The following ITGAV variants were observed in gnomAD, a reference collection of about 807,000 sequenced individuals.
ITGAV encodes the protein integrin subunit alpha V.
In ITGAV, 76 loss-of-function variants were observed where a neutral mutation model predicts 143.8. That is an observed-to-expected ratio of 0.53 (90% confidence interval 0.44 to 0.64). The LOEUF (loss-of-function observed/expected upper bound fraction) is 0.64, where lower values mean the gene tolerates loss of function less well. Ranked by LOEUF, ITGAV falls within the 30% of genes least tolerant of loss-of-function variation. The pLI, the probability that ITGAV is intolerant of heterozygous loss-of-function variation, is 0.00. For synonymous variants in ITGAV, 453 were observed against 446.7 expected (o/e 1.01, Z -0.18); for missense variants, 1,193 against 1,274.7 (o/e 0.94, Z 0.98).
intron 17 of ITGAV, among the ~76,000 whole-genome samples, chr2:186,658,739 C>T (rs1480978271): frequency 1.3e-5 from 2 of 151,750 alleles, no homozygotes; most frequent in Admixed American, 6.6e-5. Flanking sequence ...TAAGCAGTAT[C>T]AATAATGTTC....
At chr2:186,619,203 G>A (rs1574470828) in intron 2 of ITGAV, among the ~76,000 whole-genome samples, 1 of 151,588 alleles carries the variant, frequency 6.6e-6, no homozygotes, top group Admixed American at 6.6e-5. Flanking sequence ...TGTGGTGTGT[G>A]TACGTGTCTG....
intron 14 of ITGAV, among the ~76,000 whole-genome samples, chr2:186,651,528 A>G (rs979708346): frequency 2.6e-5 from 4 of 152,188 alleles, no homozygotes; most frequent in Non-Finnish European, 5.9e-5. Context: ...TTAAAAAATC[A>G]TATTATGTAT....
chr2:186,624,648 A>G (rs1279733015), intron 3 of ITGAV, among the ~76,000 whole-genome samples: 1 of 152,184 alleles, frequency 6.6e-6, no homozygotes, highest in African/African-American at 2.4e-5. Flanking sequence ...TTTTTCACTA[A>G]ATGAATTGTT....
At chr2:186,627,695 A>G (rs1366081724) in intron 4 of ITGAV, among the ~76,000 whole-genome samples, 1 of 152,182 alleles carries the variant, frequency 6.6e-6, no homozygotes, top group East Asian at 1.9e-4. Flanking sequence ...GTTATCTATA[A>G]TCATCTAGTA....
intron 14 of ITGAV, among the ~76,000 whole-genome samples, chr2:186,651,064 A>G (rs1347085232): frequency 1.3e-5 from 2 of 152,082 alleles, no homozygotes; most frequent in African/African-American, 2.4e-5. Flanking sequence ...CTATTTCCCA[A>G]TTTCTTATAT....
intron 5 of ITGAV, 31 bp from the exon 6 acceptor site, chr2:186,633,298 A>ATATATCTTT: frequency 1.4e-6 from 2 of 1,448,658 alleles, no homozygotes; most frequent in Non-Finnish European, 1.9e-6. Context: ...TTCTTTAAAT[A>ATATATCTTT]TATATCTTTT....
At chr2:186,659,482 A>G (rs989250576) in intron 18 of ITGAV, among the ~76,000 whole-genome samples, 3 of 152,052 alleles carry the variant, frequency 2.0e-5, no homozygotes. Context: ...ATAGTATTTT[A>G]GTATTTTGCT....
intron 11 of ITGAV, 194 bp from the exon 12 acceptor site, chr2:186,641,192 A>T: frequency 1.6e-6 from 1 of 614,560 alleles, no homozygotes; most frequent in Non-Finnish European, 2.8e-6. Flanking sequence ...AAGTAATTTT[A>T]TGAATTATTC....
At chr2:186,636,030 C>A in intron 6 of ITGAV, 52 bp from the exon 7 acceptor site, 1 of 1,500,618 alleles carries the variant, frequency 6.7e-7, no homozygotes, top group South Asian at 1.2e-5. Flanking sequence ...TTATCTGTAT[C>A]ATAAAGTTTC....
At chr2:186,602,895 A>T (rs940015218) in intron 2 of ITGAV, among the ~76,000 whole-genome samples, 2 of 132,672 alleles carry the variant, frequency 1.5e-5, no homozygotes, top group East Asian at 4.6e-4. Flanking sequence ...AAAAAAAAAA[A>T]GCAGTGGAGG....
intron 2 of ITGAV, among the ~76,000 whole-genome samples, chr2:186,605,592 A>G (rs1268589643): frequency 6.6e-6 from 1 of 151,716 alleles, no homozygotes; most frequent in Non-Finnish European, 1.5e-5. Flanking sequence ...ACCGTTTTTT[A>G]TCTTTGTTCA....
At chr2:186,677,055 T>C in intron 29 of ITGAV, 120 bp downstream of exon 29, 1 of 1,226,536 alleles carries the variant, frequency 8.2e-7, no homozygotes, top group Non-Finnish European at 1.2e-6. Context: ...TGATACTTGA[T>C]GAGCATTACT....
chr2:186,590,840 C>G, intron 1 of ITGAV, among the ~76,000 whole-genome samples: 1 of 152,324 alleles, frequency 6.6e-6, no homozygotes, highest in Non-Finnish European at 1.5e-5. Flanking sequence ...GCCGGACTCC[C>G]CGCCTCCTGT....
At chr2:186,649,109 G>A (rs1182137514) in intron 13 of ITGAV, among the ~76,000 whole-genome samples, 1 of 150,114 alleles carries the variant, frequency 6.7e-6, no homozygotes, top group Admixed American at 6.6e-5. Flanking sequence ...TACTGGGATT[G>A]TATTTTGCTT....
intron 2 of ITGAV, among the ~76,000 whole-genome samples, chr2:186,611,967 T>G (rs1209297801): frequency 6.6e-6 from 1 of 152,140 alleles, no homozygotes; most frequent in East Asian, 1.9e-4. Flanking sequence ...GTAATTGCGA[T>G]TTTTGCCATT....
intron 13 of ITGAV, 142 bp downstream of exon 13, chr2:186,647,019 A>G (rs1216337514): frequency 1.6e-6 from 1 of 609,464 alleles, no homozygotes; most frequent in Non-Finnish European, 2.7e-6. Context: ...TATTCAAGGC[A>G]TCATTCCCGT....
chr2:186,664,724 C>G (rs1014215662), intron 20 of ITGAV, 83 bp downstream of exon 20: 13 of 1,537,224 alleles, frequency 8.5e-6, no homozygotes, highest in Admixed American at 3.4e-5. Context: ...TTTAGTGAAG[C>G]ACAAGCTTAG....
intron 7 of ITGAV, among the ~76,000 whole-genome samples, chr2:186,636,539 T>C (rs1472698932): frequency 3.3e-5 from 5 of 152,228 alleles, no homozygotes; most frequent in Non-Finnish European, 5.9e-5. Context: ...ATTCTCATTT[T>C]GTAGGTGAAA....
Position 186,664,519 on chromosome 2 carries a change from G to T in ITGAV, c.1951G>T (p.Asp651Tyr), listed in dbSNP as rs1688833761. ...DSDQKKIYIG[D>Y]DNPLTLIVKA... ...TGATCAAAAGAAGATCTATATTGGG[G>T]ATGACAACCCTCTGACATTGATTGT... Residue 651 changes from aspartate to tyrosine, a missense_variant, in exon 20 of 30, where the codon GAT becomes TAT. Asp to Tyr is a radical substitution (Grantham distance 160). Coordinates refer to ENST00000261023, the MANE Select transcript of ITGAV (RefSeq NM_002210.5). 1 of 1,613,800 alleles carries T rather than the reference G, an allele frequency of 6.2e-7. No individual in the cohort carries two copies. Among genetic ancestry groups the T allele is most frequent in the Non-Finnish European group, 8.5e-7 (1 of 1,179,874 alleles).
Sources: gnomAD v4.1 joint callset for allele counts (sites outside exome capture counted in the v4.1 genomes callset) on GRCh38, gnomAD v4.1.1 for gene constraint, MANE v1.5 for transcripts, NCBI Gene and HGNC (gene_info 2026-07-23, HGNC 2026-07-21) for gene names.